The following ZNF536 variants were observed in gnomAD, a reference collection of about 807,000 sequenced individuals.
ZNF536 encodes the protein zinc finger protein 536.
A neutral mutation model predicts 84.5 loss-of-function variants in ZNF536; 13 were observed. The ratio of observed to expected loss-of-function variants is 0.15; its 90% CI spans 0.10 to 0.24. The LOEUF (loss-of-function observed/expected upper bound fraction) is 0.24. Among genes scored for constraint, ZNF536 ranks in the 10% least tolerant of loss-of-function variants. The pLI is 1.00. For missense variants in ZNF536, 1,536 were observed against 1,747.5 expected, an observed-to-expected ratio of 0.88 and a Z score of 2.16; for synonymous variants, 811 against 742.5, an observed-to-expected ratio of 1.09 and a Z score of -1.50.
Position 30,484,429 on chromosome 19 carries a change from G to T in ZNF536, c.2170+38697G>T, listed in dbSNP as rs572658360. 2.1e-5 allele frequency among the ~76,000 whole-genome samples: 3 copies of T among 146,312 alleles called. No homozygotes were observed. The East Asian group carries it at 6.0e-4, about 29-fold the overall frequency. ...TTTTTTGTATTTTTAGTAGAGACAG[G>T]GTTTCACCATGTTGGCCAGGATGGT... is the stretch of plus-strand genomic sequence containing the variant. On this transcript the variant is annotated intron_variant, in intron 2 of 4. Transcript: ENST00000355537.
intron 2 of ZNF536, among the ~76,000 whole-genome samples, chr19:30,472,627 A>G (rs1398499206): frequency 6.6e-6 from 1 of 152,156 alleles, no homozygotes; most frequent in Non-Finnish European, 1.5e-5. Context: ...AAAGAAATTC[A>G]TCCTTTTCTC....
At chr19:30,599,206 C>T (rs1282715887) in intron 1 of ZNF536, among the ~76,000 whole-genome samples, 1 of 114,546 alleles carries the variant, frequency 8.7e-6, no homozygotes, top group Non-Finnish European at 1.8e-5. Context: ...TCCCTTCCTC[C>T]CTCCCTTCTT....
chr19:30,273,401 T>C (rs1448316561), intron 1 of ZNF536, among the ~76,000 whole-genome samples: 1 of 152,228 alleles, frequency 6.6e-6, no homozygotes, highest in East Asian at 1.9e-4. Flanking sequence ...CAGCATTTGA[T>C]GTTGTCAGTG....
intron 1 of ZNF536, among the ~76,000 whole-genome samples, chr19:30,642,581 G>C (rs1256280904): frequency 1.3e-5 from 2 of 152,220 alleles, no homozygotes; most frequent in African/African-American, 2.4e-5. Flanking sequence ...CTCAAGGCGT[G>C]AGCTGAGCCT....
chr19:30,594,688 C>T (rs955582407), intron 1 of ZNF536, among the ~76,000 whole-genome samples: 2 of 152,072 alleles, frequency 1.3e-5, no homozygotes, highest in African/African-American at 4.8e-5. Context: ...TCCTGCTCCC[C>T]TCCCTGGCTG....
At chr19:30,325,034 C>A (rs186511041) in intron 2 of ZNF536, among the ~76,000 whole-genome samples, 1 of 152,206 alleles carries the variant, frequency 6.6e-6, no homozygotes, top group Non-Finnish European at 1.5e-5. Context: ...CTAGAACCAT[C>A]CACGTTTGCT....
At chr19:30,710,596 T>C (rs778410864) in intron 1 of ZNF536, among the ~76,000 whole-genome samples, 8 of 152,218 alleles carry the variant, frequency 5.3e-5, no homozygotes, top group Non-Finnish European at 7.3e-5. Flanking sequence ...TCTTAGCTTA[T>C]GTGCCTGATG....
intron 1 of ZNF536, among the ~76,000 whole-genome samples, chr19:30,430,335 C>G (rs1040286223): frequency 3.3e-5 from 5 of 152,184 alleles, no homozygotes; most frequent in South Asian, 2.1e-4. Context: ...TTCAGTCACT[C>G]AGCAAATGTT....
At chr19:30,231,306 C>T (rs1195350535) in intron 1 of ZNF536, among the ~76,000 whole-genome samples, 1 of 152,206 alleles carries the variant, frequency 6.6e-6, no homozygotes, top group East Asian at 1.9e-4. Context: ...CCTTAGATTT[C>T]GGCTGGAAGG....
At chr19:30,594,076 A>G (rs1213584819) in intron 1 of ZNF536, among the ~76,000 whole-genome samples, 2 of 152,150 alleles carry the variant, frequency 1.3e-5, no homozygotes, top group Non-Finnish European at 2.9e-5. Flanking sequence ...CTGCATATAT[A>G]ATATCAAACA....
rs1019389054 is a variant in ZNF536 at position 30,438,165 on chromosome 19, G to A, written c.-2-5396G>A. On this transcript the variant is annotated intron_variant, in intron 1 of 4. Coordinates refer to ENST00000355537, the MANE Select transcript of ZNF536 (RefSeq NM_014717.3). ...TTACATGGGTATATTGCATAATGCT[G>A]GGGATTGGGCTTATAGTGCACCCAT... 2.0e-5 allele frequency among the ~76,000 whole-genome samples: 3 copies of A among 151,974 alleles called. No homozygotes were observed. The South Asian group carries it at 6.3e-4, about 32-fold the overall frequency.
intron 1 of ZNF536, among the ~76,000 whole-genome samples, chr19:30,658,111 C>T (rs1256601247): frequency 6.6e-6 from 1 of 151,842 alleles, no homozygotes; most frequent in African/African-American, 2.4e-5. Context: ...CAACCTCTGC[C>T]TCCCAGGTTC....
intron 2 of ZNF536, among the ~76,000 whole-genome samples, chr19:30,491,230 C>T (rs182129217): frequency 3.9e-5 from 6 of 152,240 alleles, no homozygotes; most frequent in Non-Finnish European, 5.9e-5. Flanking sequence ...CTAAGAGAAG[C>T]GACTTTCAGA....
At chr19:30,669,985 C>T (rs533007461) in intron 1 of ZNF536, among the ~76,000 whole-genome samples, 1 of 152,250 alleles carries the variant, frequency 6.6e-6, no homozygotes, top group African/African-American at 2.4e-5. Flanking sequence ...CAGAGTCACA[C>T]AGACTCACGC....
At position 30,444,880 on chromosome 19, in the gene ZNF536, A is replaced by G; in HGVS notation, c.1318A>G (p.Thr440Ala). The G allele has an allele frequency of 3.1e-6, 5 of 1,612,452 alleles. No individual in the cohort carries two copies. The highest frequency in any genetic ancestry group is 4.2e-6 in the Non-Finnish European group (5 of 1,179,470). The stretch of plus-strand genomic sequence containing the variant: ...CTCCTGCCTGCAGAGTGGCTTCATG[A>G]CCCCGGACAAAGCCGGCCTGAGCGA... ...YLSCLQSGFMTPDKAGLSEPS... is the reference protein window; with the variant it reads ...YLSCLQSGFMAPDKAGLSEPS... The change falls in exon 2 of 5, where the codon ACC becomes GCC. Residue 440 changes from threonine (T) to alanine (A), a missense_variant. This residue lies in a region of ZNF536 where 366 missense variants were observed against 364.4 expected (regional missense o/e 1.00). Coordinates refer to ENST00000355537, the MANE Select transcript of ZNF536 (RefSeq NM_014717.3).
At chr19:30,405,551 T>A (rs1265135266) in intron 1 of ZNF536, among the ~76,000 whole-genome samples, 3 of 151,918 alleles carry the variant, frequency 2.0e-5, no homozygotes, top group African/African-American at 7.3e-5. Flanking sequence ...CAGACCAGAG[T>A]CTTCCAGGGA....
chr19:30,512,098 A>C (rs1568501405), intron 2 of ZNF536, among the ~76,000 whole-genome samples: 1 of 152,220 alleles, frequency 6.6e-6, no homozygotes, highest in Admixed American at 6.5e-5. Context: ...TAAAATGATG[A>C]AAAGTTTCTG....
In ZNF536 at chr19:30,417,637, A is replaced by G. The variant is rs77476823; in HGVS notation, c.-2-25924A>G. 2.0e-5 allele frequency among the ~76,000 whole-genome samples: 3 copies of G among 152,252 alleles called. No individual in the cohort carries two copies. In the East Asian group the frequency reaches 5.8e-4, roughly 29 times the overall value. ...TTTAATTTTCTTTGCTAATTGCATTAGTTAGAACTTCCATAACAATATTTA... is the reference window on the plus strand; with the variant it reads ...TTTAATTTTCTTTGCTAATTGCATTGGTTAGAACTTCCATAACAATATTTA... On this transcript the variant is annotated intron_variant, in intron 1 of 4. Transcript: ENST00000355537.
intron 2 of ZNF536, among the ~76,000 whole-genome samples, chr19:30,323,314 C>G (rs1313022586): frequency 1.3e-5 from 2 of 152,190 alleles, no homozygotes; most frequent in East Asian, 3.8e-4. Context: ...CTGTATCCCC[C>G]ACATTGACTA....
Sources: gnomAD v4.1 joint callset for allele counts (sites outside exome capture counted in the v4.1 genomes callset) on GRCh38, gnomAD v4.1.1 for gene constraint, gnomAD v4.1.1 regional missense constraint, MANE v1.5 for transcripts, NCBI Gene and HGNC (gene_info 2026-07-23, HGNC 2026-07-21) for gene names.